Variants in COBLL1 observed in about 807,000 individuals in gnomAD.
COBLL1 encodes the protein cordon-bleu protein-like 1.
COBLL1 carries 50 observed loss-of-function variants against 94.8 expected under a neutral mutation model. That is an observed-to-expected ratio of 0.53 (90% CI 0.42 to 0.67). The LOEUF (loss-of-function observed/expected upper bound fraction) is 0.67, where lower values mean the gene tolerates loss of function less well. COBLL1 is among the 30% of genes least tolerant of loss of function. COBLL1 has a pLI of 0.00. For synonymous variants in COBLL1, 448 were observed against 473.8 expected (o/e 0.95, Z 0.71); for missense variants, 1,362 against 1,348.7 (o/e 1.01, Z -0.15).
chr2:164,823,925 G>A (rs554119726), intron 2 of COBLL1, among the ~76,000 whole-genome samples: 1 of 152,186 alleles, frequency 6.6e-6, no homozygotes, highest in African/African-American at 2.4e-5. Flanking sequence ...ACAGGTGAAA[G>A]GTTGAAAAAA....
chr2:164,709,123 G>T (rs1684753653), intron 7 of COBLL1, among the ~76,000 whole-genome samples: 1 of 152,148 alleles, frequency 6.6e-6, no homozygotes, highest in Non-Finnish European at 1.5e-5. Context: ...CAGGCTAGAG[G>T]TCTTAAAATA....
intron 1 of COBLL1, among the ~76,000 whole-genome samples, chr2:164,672,728 A>AAAAAAAAAAAT (rs67260713): frequency 7.5e-6 from 1 of 132,496 alleles, no homozygotes; most frequent in African/African-American, 3.2e-5. Context: ...AAAAAAAAAA[A>AAAAAAAAAAAT]ATGACTTTGT....
chr2:164,717,961 T>C (rs564874620), intron 7 of COBLL1, among the ~76,000 whole-genome samples: 10 of 152,230 alleles, frequency 6.6e-5, no homozygotes, highest in Non-Finnish European at 1.3e-4. Context: ...TATAACCTTA[T>C]CTAAATTCTG....
chr2:164,784,026 G>A (rs759475183), intron 2 of COBLL1, among the ~76,000 whole-genome samples: 1 of 152,060 alleles, frequency 6.6e-6, no homozygotes, highest in African/African-American at 2.4e-5. Flanking sequence ...ATTCTTTCTA[G>A]AGGTGTGGAG....
chr2:164,771,039 C>T (rs914876575), intron 2 of COBLL1, among the ~76,000 whole-genome samples: 2 of 151,964 alleles, frequency 1.3e-5, no homozygotes, highest in African/African-American at 4.8e-5. Flanking sequence ...TTCATAAGCA[C>T]CACTTATGTT....
chr2:164,704,587 C>T (rs900398648), intron 8 of COBLL1, 69 bp from the exon 9 acceptor site: 44 of 1,289,156 alleles, frequency 3.4e-5, no homozygotes, highest in African/African-American at 4.4e-5. Flanking sequence ...AACAGTTTAA[C>T]TTAGTTATAT....
In COBLL1 at chr2:164,706,522, A is replaced by T. The variant is rs553886247; in HGVS notation, c.997-1417T>A. On this transcript the variant is annotated intron_variant, in intron 7 of 13. Transcript: ENST00000652658. ...TGGACCTCTGTTCTGATCTCCCCTT[A>T]ATGTCTGAAGCCTCTTCAATTTAGC... 2.8e-4 allele frequency among the ~76,000 whole-genome samples: 43 copies of T among 152,216 alleles called. 1 individual carries two copies. In the South Asian group the frequency reaches 5.2e-3, roughly 18 times the overall value.
At chr2:164,808,304 CT>C (rs1434216471) in intron 2 of COBLL1, among the ~76,000 whole-genome samples, 5 of 152,074 alleles carry the variant, frequency 3.3e-5, no homozygotes, top group Non-Finnish European at 7.4e-5. Context: ...ATTTTTAATA[CT>C]ATGTTTTTGC....
chr2:164,696,473 CTTTAT>C (rs1204949243), intron 11 of COBLL1: 1 of 152,064 alleles, frequency 6.6e-6, no homozygotes, highest in African/African-American at 2.4e-5. Flanking sequence ...TGTTAGAGGA[CTTTAT>C]TTTTAGTTAT....
At chr2:164,818,952 G>C (rs2105357438) in intron 2 of COBLL1, among the ~76,000 whole-genome samples, 1 of 150,912 alleles carries the variant, frequency 6.6e-6, no homozygotes, top group African/African-American at 2.4e-5. Context: ...TTATTTTTTG[G>C]TAGAGACAGT....
intron 2 of COBLL1, chr2:164,773,798 A>AG: frequency 8.0e-7 from 1 of 1,253,960 alleles, no homozygotes; most frequent in Non-Finnish European, 1.0e-6. Flanking sequence ...TCTGTTACTA[A>AG]CTCAACTGTT....
chr2:164,661,513 C>G (rs1266557922), intron 2 of COBLL1, among the ~76,000 whole-genome samples: 1 of 152,046 alleles, frequency 6.6e-6, no homozygotes. Flanking sequence ...ACATTTTAAG[C>G]ATTTCCAAAC....
intron 5 of COBLL1, chr2:164,727,000 C>T: frequency 2.2e-6 from 1 of 457,472 alleles, no homozygotes; most frequent in Non-Finnish European, 3.8e-6. Context: ...AAATCTCATA[C>T]AGAATGAACA....
chr2:164,745,831 A>T (rs1686832685), intron 2 of COBLL1, among the ~76,000 whole-genome samples: 1 of 152,174 alleles, frequency 6.6e-6, no homozygotes, highest in Non-Finnish European at 1.5e-5. Context: ...TTTGGAATTA[A>T]ATGGTTTGGT....
At position 164,830,169 on chromosome 2, in the gene COBLL1, G is replaced by A. The variant is rs563889870; in HGVS notation, c.41+10987C>T. 7.2e-4 allele frequency among the ~76,000 whole-genome samples: 110 copies of A among 152,256 alleles called. 3 individuals carry two copies. In the South Asian group the frequency reaches 0.022, roughly 30 times the overall value. On this transcript the variant is annotated intron_variant, in intron 2 of 13. Coordinates refer to ENST00000652658, the MANE Select transcript of COBLL1 (RefSeq NM_001365672.2). ...CCTGCTTCCTAAACTGTACTTCTTG[G>A]TGCCCCAAGGCTATTCCTTTAATAC... is the stretch of plus-strand genomic sequence containing the variant.
chr2:164,824,387 G>GAA (rs1213274756), intron 2 of COBLL1, among the ~76,000 whole-genome samples: 2 of 91,966 alleles, frequency 2.2e-5, no homozygotes, highest in Admixed American at 1.1e-4. Flanking sequence ...TCCCAAAAAA[G>GAA]AAAAAAAAAA....
chr2:164,664,908 G>A (rs1375392250), intron 2 of COBLL1, among the ~76,000 whole-genome samples: 3 of 152,164 alleles, frequency 2.0e-5, no homozygotes, highest in African/African-American at 7.2e-5. Flanking sequence ...ACTGAAAAAT[G>A]AAAGTGTGGC....
intron 2 of COBLL1, among the ~76,000 whole-genome samples, chr2:164,763,289 CTTTTTTTTT>C (rs1033471941): frequency 6.8e-6 from 1 of 146,046 alleles, no homozygotes; most frequent in Non-Finnish European, 1.5e-5. Context: ...TGTCTTTTTT[CTTTTTTTTT>C]TGTTTGAGAA....
At chr2:164,818,334 A>ATACATATACACGTG (rs1559046017) in intron 2 of COBLL1, among the ~76,000 whole-genome samples, 5 of 90,032 alleles carry the variant, frequency 5.6e-5, no homozygotes, top group Non-Finnish European at 1.1e-4. Context: ...GTATACATAT[A>ATACATATACACGTG]TGTATATATA....
Sources: allele counts gnomAD v4.1 joint callset (sites outside exome capture counted in the v4.1 genomes callset), GRCh38; gene constraint gnomAD v4.1.1; transcripts MANE v1.5; gene names NCBI Gene and HGNC (gene_info 2026-07-23, HGNC 2026-07-21).